Variants in ANO3 observed in about 807,000 individuals in gnomAD.
The protein encoded by ANO3 is anoctamin 3.
ANO3 carries 99 observed loss-of-function variants against 144.8 expected under a neutral mutation model. The ratio of observed to expected loss-of-function variants is 0.68; its 90% confidence interval spans 0.58 to 0.81. The LOEUF is 0.81. Ranked by LOEUF, ANO3 falls within the 30% of genes least tolerant of loss-of-function variation. The pLI is 0.00. For synonymous variants in ANO3, 414 were observed against 392.6 expected (o/e 1.05, Z -0.64); for missense variants, 905 against 1,202.2 (o/e 0.75, Z 3.66).
At position 26,359,973 on chromosome 11, in the gene ANO3, T is replaced by G. The variant is rs373359318; in HGVS notation, c.46+27652T>G. Among the ~76,000 whole-genome samples the G allele has an allele frequency of 4.9e-5, 5 of 102,968 alleles. No individual in the cohort carries two copies. The East Asian group carries it at 2.4e-3, about 50-fold the overall frequency. The allele number at this position is 102,968 out of a possible 152,430, so 67.6% of individuals were successfully genotyped here. The stretch of plus-strand genomic sequence containing the variant: ...TAAATTATGTAAATCAACATAAATT[T>G]TATATTTATATGTAAATTACAAACT... On this transcript the variant is annotated intron_variant, in intron 1 of 26. Coordinates refer to ENST00000256737, the MANE Select transcript of ANO3 (RefSeq NM_031418.4).
rs574186881 is a variant in ANO3, at chr11:26,566,445, C to A, written c.1447+6666C>A. Among the ~76,000 whole-genome samples, 8 of 151,906 alleles carry A rather than the reference C, an allele frequency of 5.3e-5. No homozygotes were observed. In the South Asian group the frequency reaches 1.0e-3, roughly 20 times the overall value. On this transcript the variant is annotated intron_variant, in intron 14 of 26. Transcript: ENST00000256737. Reference sequence around the variant, plus strand: ...AGTCAGTCAGGAATACCCTTGAATACATTTTATTAGTATCTAGTTTGAATT... The same window carrying A: ...AGTCAGTCAGGAATACCCTTGAATAAATTTTATTAGTATCTAGTTTGAATT...
At chr11:26,429,462 C>CAAAAAA (rs10668197) in intron 1 of ANO3, among the ~76,000 whole-genome samples, 2 of 142,534 alleles carry the variant, frequency 1.4e-5, no homozygotes, top group Non-Finnish European at 1.5e-5. Flanking sequence ...TCCAAAAGTT[C>CAAAAAA]AAAAAAAAAA....
chr11:26,242,559 CTGT>C (rs1852685404), intron 1 of ANO3, among the ~76,000 whole-genome samples: 1 of 152,014 alleles, frequency 6.6e-6, no homozygotes, highest in Non-Finnish European at 1.5e-5. Context: ...ATTTATCATT[CTGT>C]ACATCCATTA....
upstream of ANO3, among the ~76,000 whole-genome samples, chr11:26,330,892 T>G (rs1484437907): frequency 6.6e-6 from 1 of 152,200 alleles, no homozygotes; most frequent in African/African-American, 2.4e-5. Context: ...ATTTGGATTA[T>G]TCACCTGATT....
At chr11:26,191,830 T>C (rs1187510060) in intron 1 of ANO3, among the ~76,000 whole-genome samples, 3 of 152,188 alleles carry the variant, frequency 2.0e-5, no homozygotes, top group Admixed American at 6.5e-5. Flanking sequence ...TTTTTTCCTG[T>C]TGCCGAACAT....
intron 3 of ANO3, among the ~76,000 whole-genome samples, chr11:26,459,252 T>C (rs1196539185): frequency 6.6e-6 from 1 of 152,098 alleles, no homozygotes; most frequent in African/African-American, 2.4e-5. Context: ...TACCTGGAGA[T>C]GCAGAATTAT....
At chr11:26,503,326 A>T (rs922764632) in intron 4 of ANO3, among the ~76,000 whole-genome samples, 1 of 152,160 alleles carries the variant, frequency 6.6e-6, no homozygotes, top group Non-Finnish European at 1.5e-5. Flanking sequence ...CTGTTATTAT[A>T]CCAAACAATT....
chr11:26,558,399 A>C (rs879499536), intron 13 of ANO3, among the ~76,000 whole-genome samples: 6 of 151,938 alleles, frequency 3.9e-5, no homozygotes, highest in Non-Finnish European at 8.8e-5. Context: ...GCTGTTCAGC[A>C]GCCTCAGGTG....
chr11:26,274,334 C>A (rs983956390), intron 1 of ANO3, among the ~76,000 whole-genome samples: 6 of 152,016 alleles, frequency 3.9e-5, no homozygotes, highest in Non-Finnish European at 8.8e-5. Context: ...TATCTACCAC[C>A]TGCTTGTGAA....
chr11:26,403,103 C>T (rs567410662), intron 1 of ANO3, among the ~76,000 whole-genome samples: 3 of 152,014 alleles, frequency 2.0e-5, no homozygotes, highest in African/African-American at 7.2e-5. Context: ...ACTTTGCTGA[C>T]TGCATTCTCT....
intron 3 of ANO3, among the ~76,000 whole-genome samples, chr11:26,454,769 A>G (rs1229616918): frequency 3.9e-5 from 6 of 152,016 alleles, no homozygotes; most frequent in African/African-American, 1.5e-4. Context: ...AGACACAACA[A>G]AAAAAGAGAA....
rs1017935449 is a variant in ANO3 at position 26,610,785 on chromosome 11, A to G, written c.1836+11071A>G. Among the ~76,000 whole-genome samples, 7 of 152,230 alleles carry G rather than the reference A, an allele frequency of 4.6e-5. 1 individual carries two copies. The highest frequency in any genetic ancestry group is 1.3e-4 in the Admixed American group (2 of 15,298). ...TAGGTCCTAGGCCTTTTTTCGGTAG[A>G]TGACTATTTATTACTGATTCAGTTT... On this transcript the variant is annotated intron_variant, in intron 17 of 26. Transcript: ENST00000256737.
intron 7 of ANO3, among the ~76,000 whole-genome samples, chr11:26,527,662 A>T (rs572963490): frequency 6.6e-6 from 1 of 152,278 alleles, no homozygotes; most frequent in South Asian, 2.1e-4. Flanking sequence ...ACCGGTACAT[A>T]TTAGGGGATA....
intron 1 of ANO3, among the ~76,000 whole-genome samples, chr11:26,241,798 C>T (rs983764612): frequency 2.0e-5 from 3 of 152,126 alleles, no homozygotes; most frequent in Non-Finnish European, 4.4e-5. Flanking sequence ...GTTTGAATCA[C>T]GTATCTGGGG....
At chr11:26,216,691 C>T (rs535715488) in intron 1 of ANO3, among the ~76,000 whole-genome samples, 1 of 152,046 alleles carries the variant, frequency 6.6e-6, no homozygotes, top group South Asian at 2.1e-4. Context: ...AATAAACAGC[C>T]AAACTGTATT....
chr11:26,424,881 T>C (rs989125922), intron 1 of ANO3, among the ~76,000 whole-genome samples: 1 of 149,460 alleles, frequency 6.7e-6, no homozygotes, highest in African/African-American at 2.5e-5. Context: ...AATAGTATTT[T>C]ATACATATAT....
chr11:26,358,552 C>T (rs1359672189), intron 1 of ANO3, among the ~76,000 whole-genome samples: 1 of 145,826 alleles, frequency 6.9e-6, no homozygotes. Flanking sequence ...AATTGACCAT[C>T]ATAATTTTTT....
chr11:26,443,556 C>T (rs1442384796), intron 2 of ANO3, among the ~76,000 whole-genome samples: 1 of 152,178 alleles, frequency 6.6e-6, no homozygotes, highest in African/African-American at 2.4e-5. Context: ...GAGCCGAGAT[C>T]ATGCCATTGC....
chr11:26,568,882 C>T (rs910879004), intron 14 of ANO3, among the ~76,000 whole-genome samples: 2 of 152,140 alleles, frequency 1.3e-5, no homozygotes, highest in African/African-American at 2.4e-5. Context: ...TCATTATCTA[C>T]GGCATGTGAT....
Sources: gnomAD v4.1 joint callset for allele counts (sites outside exome capture counted in the v4.1 genomes callset) on GRCh38, gnomAD v4.1.1 for gene constraint, MANE v1.5 for transcripts, NCBI Gene and HGNC (gene_info 2026-07-23, HGNC 2026-07-21) for gene names.